Variants in DLG2 observed in about 807,000 individuals in gnomAD.
DLG2 encodes the protein discs large MAGUK scaffold protein 2.
DLG2 carries 45 observed loss-of-function variants against 132.5 expected under a neutral mutation model. The ratio of observed to expected loss-of-function variants is 0.34; its 90% CI spans 0.27 to 0.44. The LOEUF is 0.44. Ranked by LOEUF, DLG2 falls within the 20% of genes least tolerant of loss-of-function variation. The pLI, the probability that DLG2 is intolerant of heterozygous loss-of-function variation, is 1.00. For missense variants in DLG2, 1,045 were observed against 1,196.9 expected, an observed-to-expected ratio of 0.87 and a Z score of 1.87; for synonymous variants, 424 against 419.6, an observed-to-expected ratio of 1.01 and a Z score of -0.13.
chr11:83,697,223 A>C (rs1208696798), intron 18 of DLG2, among the ~76,000 whole-genome samples: 2 of 152,252 alleles, frequency 1.3e-5, no homozygotes, highest in African/African-American at 4.8e-5. Flanking sequence ...TAGGTGCTCA[A>C]TAAATGATCA....
At position 85,289,501 on chromosome 11, in the gene DLG2, A is replaced by G. The variant is rs151197600; in HGVS notation, c.41-4136T>C. On this transcript the variant is annotated intron_variant, in intron 3 of 27. Coordinates refer to ENST00000376104, the MANE Select transcript of DLG2 (RefSeq NM_001142699.3). ...ATTATTTTTACTAAAACTGGGTTCAATTGAGTAGGTAGTAAGAACACCCAA... is the reference window on the plus strand; with the variant it reads ...ATTATTTTTACTAAAACTGGGTTCAGTTGAGTAGGTAGTAAGAACACCCAA... Among the ~76,000 whole-genome samples the G allele has an allele frequency of 4.9e-3, 750 of 152,308 alleles. 5 individuals carry two copies. The highest frequency in any genetic ancestry group is 0.016 in the African/African-American group (665 of 41,582).
intron 16 of DLG2, among the ~76,000 whole-genome samples, chr11:83,865,415 G>A (rs2062137154): frequency 1.3e-5 from 2 of 151,062 alleles, no homozygotes; most frequent in Admixed American, 1.3e-4. Flanking sequence ...AAATTATATT[G>A]CACTATGCAA....
intron 6 of DLG2, among the ~76,000 whole-genome samples, chr11:84,849,508 T>G (rs2081927478): frequency 6.6e-6 from 1 of 152,260 alleles, no homozygotes; most frequent in African/African-American, 2.4e-5. Context: ...ATCTCCTTTT[T>G]TTTTCCTAGA....
At chr11:83,575,172 C>T (rs997308279) in intron 19 of DLG2, among the ~76,000 whole-genome samples, 1 of 152,104 alleles carries the variant, frequency 6.6e-6, no homozygotes, top group Non-Finnish European at 1.5e-5. Flanking sequence ...CAGCTTTAAC[C>T]TCCTGCTTCA....
At chr11:83,767,663 T>A (rs2094200219) in intron 18 of DLG2, among the ~76,000 whole-genome samples, 1 of 152,160 alleles carries the variant, frequency 6.6e-6, no homozygotes, top group Non-Finnish European at 1.5e-5. Flanking sequence ...ATAGCCCCTA[T>A]CTCACAGGCT....
intron 7 of DLG2, among the ~76,000 whole-genome samples, chr11:84,438,398 AG>A (rs1405050390): frequency 2.0e-5 from 3 of 152,136 alleles, no homozygotes; most frequent in Non-Finnish European, 4.4e-5. Flanking sequence ...TTTTTGACAT[AG>A]TTACTGGAGG....
In DLG2 at chr11:84,650,873, GTATA is replaced by G. The variant is rs71274437; in HGVS notation, c.358-116146_358-116143del. Among the ~76,000 whole-genome samples the G allele has an allele frequency of 5.1e-3, 631 of 123,974 alleles. 8 individuals carry two copies. The highest frequency in any genetic ancestry group is 0.018 in the African/African-American group (572 of 31,596). The allele number at this position is 123,974 out of a possible 152,430, so 81.3% of individuals were successfully genotyped here. A position where few individuals can be genotyped will look rare whatever the true frequency, so the allele number is the denominator to read the frequency against. On this transcript the variant is annotated intron_variant, in intron 6 of 27. Coordinates refer to ENST00000376104, the MANE Select transcript of DLG2 (RefSeq NM_001142699.3). ...TATGTGTGTGTGTGTGTGTGTGTGT[GTATA>G]TATATATATATATATATATATATAA...
chr11:84,088,577 T>C (rs17146776), intron 10 of DLG2, among the ~76,000 whole-genome samples: 3,064 of 152,296 alleles, frequency 0.02, 84 homozygotes, highest in African/African-American at 0.062. Context: ...ATAGAAATTT[T>C]CTTGTGTAAC....
At chr11:84,594,639 A>G (rs772186736) in intron 6 of DLG2, among the ~76,000 whole-genome samples, 1 of 152,192 alleles carries the variant, frequency 6.6e-6, no homozygotes, top group Non-Finnish European at 1.5e-5. Context: ...CACATATACA[A>G]AAACTTTAAA....
At chr11:83,946,303 G>A (rs1279041406) in intron 14 of DLG2, among the ~76,000 whole-genome samples, 2 of 152,096 alleles carry the variant, frequency 1.3e-5, no homozygotes, top group African/African-American at 4.8e-5. Flanking sequence ...CTGGTAATAT[G>A]ATTTTCTGAG....
At chr11:84,445,173 T>C (rs987464475) in intron 7 of DLG2, among the ~76,000 whole-genome samples, 1 of 152,196 alleles carries the variant, frequency 6.6e-6, no homozygotes, top group Non-Finnish European at 1.5e-5. Flanking sequence ...AAATCAGTCA[T>C]TATTATTATC....
intron 11 of DLG2, among the ~76,000 whole-genome samples, chr11:84,051,615 G>T (rs1489858101): frequency 7.0e-6 from 1 of 142,070 alleles, no homozygotes; most frequent in East Asian, 2.1e-4. Context: ...CATACACCGG[G>T]GCCTGTTGTG....
intron 6 of DLG2, among the ~76,000 whole-genome samples, chr11:84,853,368 G>A (rs73516915): frequency 0.011 from 1,604 of 152,078 alleles, 26 homozygotes; most frequent in African/African-American, 0.036. Flanking sequence ...ACTCACTGGG[G>A]AACTGGTGGA....
chr11:84,087,755 C>G (rs2097014691), intron 10 of DLG2, among the ~76,000 whole-genome samples: 1 of 152,014 alleles, frequency 6.6e-6, no homozygotes, highest in Non-Finnish European at 1.5e-5. Flanking sequence ...ATTCAGATGG[C>G]CTTTTGAAGT....
chr11:84,984,446 C>T (rs1205365967), intron 6 of DLG2, among the ~76,000 whole-genome samples: 2 of 152,210 alleles, frequency 1.3e-5, no homozygotes, highest in East Asian at 3.9e-4. Flanking sequence ...GAATTTACCA[C>T]TACCAAGCCA....
At chr11:85,065,553 A>G (rs190227565) in intron 6 of DLG2, among the ~76,000 whole-genome samples, 2 of 144,260 alleles carry the variant, frequency 1.4e-5, no homozygotes, top group Admixed American at 1.4e-4. Flanking sequence ...TTAAATTTTA[A>G]TTTTATTAAA....
intron 15 of DLG2, among the ~76,000 whole-genome samples, chr11:83,877,684 G>A (rs1452790415): frequency 6.6e-6 from 1 of 152,132 alleles, no homozygotes; most frequent in East Asian, 1.9e-4. Context: ...GGAACAAACA[G>A]AGCCTTTTCC....
intron 6 of DLG2, among the ~76,000 whole-genome samples, chr11:84,953,771 G>C (rs2051265141): frequency 6.6e-6 from 1 of 151,994 alleles, no homozygotes; most frequent in Non-Finnish European, 1.5e-5. Context: ...TTTGCTTCAA[G>C]TCCTTCAATG....
intron 6 of DLG2, among the ~76,000 whole-genome samples, chr11:84,605,452 T>C (rs536643484): frequency 6.6e-6 from 1 of 151,942 alleles, no homozygotes; most frequent in African/African-American, 2.4e-5. Flanking sequence ...TTATTATTAA[T>C]CTTTTAAAAT....
Sources: allele counts gnomAD v4.1 joint callset (sites outside exome capture counted in the v4.1 genomes callset), GRCh38; gene constraint gnomAD v4.1.1; transcripts MANE v1.5; gene names NCBI Gene and HGNC (gene_info 2026-07-23, HGNC 2026-07-21).